Variants in RASGRF1 observed in about 807,000 individuals in gnomAD.
The protein encoded by RASGRF1 is Ras protein specific guanine nucleotide releasing factor 1.
In RASGRF1, 40 loss-of-function variants were observed where a neutral mutation model predicts 138.7. The ratio of observed to expected loss-of-function variants is 0.29; its 90% CI spans 0.22 to 0.38. The LOEUF is 0.38. RASGRF1 is among the 10% of genes least tolerant of loss of function. The pLI, the probability that RASGRF1 is intolerant of heterozygous loss-of-function variation, is 1.00. For missense variants in RASGRF1, 1,108 were observed against 1,650.4 expected (o/e 0.67, Z 5.69); for synonymous variants, 614 against 663.2 (o/e 0.93, Z 1.14).
At chr15:79,018,174 C>A (rs1441453699) in intron 11 of RASGRF1, among the ~76,000 whole-genome samples, 2 of 152,256 alleles carry the variant, frequency 1.3e-5, no homozygotes, top group Non-Finnish European at 2.9e-5. Context: ...CTGCCCTCTG[C>A]CCTCATTACA....
At chr15:78,987,723 C>CAAAACAAAA (rs573556840) in intron 22 of RASGRF1, among the ~76,000 whole-genome samples, 8 of 151,228 alleles carry the variant, frequency 5.3e-5, no homozygotes, top group African/African-American at 1.9e-4. Flanking sequence ...ACAAAAAAAA[C>CAAAACAAAA]CAAAAAACCC....
intron 1 of RASGRF1, among the ~76,000 whole-genome samples, chr15:79,072,267 CTTT>C (rs758415767): frequency 2.4e-4 from 15 of 61,580 alleles, no homozygotes; most frequent in South Asian, 8.0e-4. Flanking sequence ...GATAAACAAT[CTTT>C]TTTTTTTTTT....
At chr15:79,029,285 A>G (rs1389911705) in intron 8 of RASGRF1, among the ~76,000 whole-genome samples, 3 of 152,182 alleles carry the variant, frequency 2.0e-5, no homozygotes, top group Admixed American at 6.5e-5. Context: ...ACCTCTGGAC[A>G]CATGCTAGTT....
intron 20 of RASGRF1, among the ~76,000 whole-genome samples, chr15:78,993,237 T>TTCGTGAA (rs2056312626): frequency 8.3e-6 from 1 of 120,264 alleles, no homozygotes; most frequent in Non-Finnish European, 1.8e-5. Context: ...GGGTGATGTG[T>TTCGTGAA]GTGTGTGTAC....
chr15:79,043,788 G>A (rs1382859845), intron 5 of RASGRF1, among the ~76,000 whole-genome samples: 3 of 152,206 alleles, frequency 2.0e-5, no homozygotes, highest in Non-Finnish European at 4.4e-5. Flanking sequence ...CTGCCCAGGA[G>A]GCCCTGAAAG....
At chr15:79,034,736 T>C (rs576398007) in intron 6 of RASGRF1, among the ~76,000 whole-genome samples, 2 of 151,914 alleles carry the variant, frequency 1.3e-5, no homozygotes, top group East Asian at 3.9e-4. Flanking sequence ...TGTTTGCAAT[T>C]ATGTAAAGTG....
chr15:79,002,454 T>A (rs372184265), intron 15 of RASGRF1, among the ~76,000 whole-genome samples: 2 of 152,206 alleles, frequency 1.3e-5, no homozygotes, highest in East Asian at 1.9e-4. Flanking sequence ...TAGTTGCATC[T>A]GACCTTGAGA....
chr15:79,075,901 T>C (rs866323723), intron 1 of RASGRF1, among the ~76,000 whole-genome samples: 12 of 152,334 alleles, frequency 7.9e-5, no homozygotes, highest in Middle Eastern at 3.4e-3. Flanking sequence ...CTTGGTCTAT[T>C]CTATACACGT....
chr15:79,031,519 G>C lies in RASGRF1; in HGVS notation c.1153-10C>G, dbSNP rs755803529. ...GGATGTACCTGGGGATCTGCGGGCA[G>C]GTGGGAGAGGTGAGGGTGGAGAAAG... On this transcript the variant is annotated splice_polypyrimidine_tract_variant and intron_variant, in intron 7 of 26. Transcript: ENST00000558480. 3.8e-6 allele frequency: 6 copies of C among 1,594,010 alleles called. No homozygotes were observed. The South Asian group carries it at 6.7e-5, about 18-fold the overall frequency.
At chr15:79,037,409 C>T (rs1045740546) in intron 5 of RASGRF1, among the ~76,000 whole-genome samples, 9 of 151,794 alleles carry the variant, frequency 5.9e-5, no homozygotes, top group Non-Finnish European at 1.0e-4. Flanking sequence ...GGTTTCAGGA[C>T]GATTCAAGTG....
intron 12 of RASGRF1, among the ~76,000 whole-genome samples, chr15:79,016,857 C>T (rs977585123): frequency 1.3e-5 from 2 of 152,212 alleles, no homozygotes; most frequent in Non-Finnish European, 2.9e-5. Context: ...CACGAAGATG[C>T]TGCCCTGCCC....
intron 22 of RASGRF1, among the ~76,000 whole-genome samples, chr15:78,987,460 C>A (rs1311272538): frequency 6.6e-6 from 1 of 152,132 alleles, no homozygotes; most frequent in Non-Finnish European, 1.5e-5. Flanking sequence ...ACTTTGGGAG[C>A]TGAGGCGGGT....
At chr15:79,033,764 A>G (rs1364289856) in intron 6 of RASGRF1, among the ~76,000 whole-genome samples, 1 of 148,364 alleles carries the variant, frequency 6.7e-6, no homozygotes, top group Non-Finnish European at 1.5e-5. Context: ...TAATTTTTGT[A>G]ATTTTAGTAG....
intron 23 of RASGRF1, chr15:78,981,643 A>G (rs3743198): frequency 0.32 from 48,350 of 152,036 alleles, 8,418 homozygotes; most frequent in African/African-American, 0.47. Flanking sequence ...TCTGACAGGA[A>G]GAGATCTGTG....
chr15:79,041,736 A>C (rs1459875440), intron 5 of RASGRF1, among the ~76,000 whole-genome samples: 1 of 152,224 alleles, frequency 6.6e-6, no homozygotes, highest in Non-Finnish European at 1.5e-5. Flanking sequence ...AGGACTGGGC[A>C]GGAGCAGGAC....
At chr15:78,963,307 C>CT (rs533139771) in intron 26 of RASGRF1, among the ~76,000 whole-genome samples, 19,040 of 146,366 alleles carry the variant, frequency 0.13, 2,232 homozygotes, top group African/African-American at 0.32. Flanking sequence ...AAAAAATTTT[C>CT]TTTTTTTTTT....
intron 1 of RASGRF1, among the ~76,000 whole-genome samples, chr15:79,069,489 T>TA (rs1240227244): frequency 6.6e-6 from 1 of 152,198 alleles, no homozygotes; most frequent in East Asian, 1.9e-4. Context: ...AGTGGAGCCC[T>TA]GGGAGTGAGG....
Position 79,017,817 on chromosome 15 carries a change from C to A in RASGRF1, c.1696G>T (p.Ala566Ser). 1.2e-6 allele frequency: 2 copies of A among 1,612,682 alleles called. No individual in the cohort carries two copies. Among genetic ancestry groups the A allele is most frequent in the South Asian group, 2.2e-5 (2 of 90,712 alleles). Residue 566 changes from alanine to serine, a missense_variant, in exon 12 of 27, where the codon GCC becomes TCC. This residue lies in a region of RASGRF1 where 686 missense variants were observed against 976.7 expected (regional missense o/e 0.70). Transcript: ENST00000558480. ...GCTGCCTTCTCCTGTCTGGACGAGG[C>A]CACTAGGATGACTGTAAAGGGCGGG... ...DSPPFTVILV[A>S]SSRQEKAAWT...
chr15:79,001,798 A>AGAAATAAATAATTTTACTTTTCTTT lies in RASGRF1; in HGVS notation c.2450-12_2450-11insAAAGAAAAGTAAAATTATTTATTTC. 1.4e-6 allele frequency: 2 copies of AGAAATAAATAATTTTACTTTTCTTT among 1,406,306 alleles called. No homozygotes were observed. Among genetic ancestry groups the AGAAATAAATAATTTTACTTTTCTTT allele is most frequent in the Non-Finnish European group, 1.9e-6 (2 of 1,065,556 alleles). 87.1% of individuals were successfully genotyped at this position (1,406,306 alleles called of 1,614,324 possible). On this transcript the variant is annotated splice_polypyrimidine_tract_variant and intron_variant, in intron 15 of 26. Transcript: ENST00000558480. The stretch of plus-strand genomic sequence containing the variant: ...TGGAGACTTCTGAGCCTGGGAGAAA[A>AGAAATAAATAATTTTACTTTTCTTT]GAAATAAATAATTTTACTTTTCTTA...
Sources: allele counts gnomAD v4.1 joint callset (sites outside exome capture counted in the v4.1 genomes callset), GRCh38; gene constraint gnomAD v4.1.1; regional missense constraint gnomAD v4.1.1; transcripts MANE v1.5; gene names NCBI Gene and HGNC (gene_info 2026-07-23, HGNC 2026-07-21).